The following SRD5A2 variants were observed in gnomAD, a reference collection of about 807,000 sequenced individuals.
SRD5A2 encodes the protein steroid 5 alpha-reductase 2, also known as 3-oxo-5-alpha-steroid 4-dehydrogenase 2.
In SRD5A2, 30 loss-of-function variants were observed where a neutral mutation model predicts 27.4. That is an observed-to-expected ratio of 1.10 (90% CI 0.82 to 1.49). The LOEUF (loss-of-function observed/expected upper bound fraction) is 1.49. SRD5A2 is among the 40% of genes most tolerant of loss of function. SRD5A2 has a pLI of 0.00. For synonymous variants in SRD5A2, 141 were observed against 133.6 expected (o/e 1.06, Z -0.38); for missense variants, 348 against 323.4 (o/e 1.08, Z -0.58).
intron 2 of SRD5A2, among the ~76,000 whole-genome samples, chr2:31,532,484 C>G (rs576129096): frequency 1.3e-4 from 20 of 152,138 alleles, no homozygotes; most frequent in African/African-American, 4.8e-4. Flanking sequence ...GGTGTCTCCA[C>G]ATGCACTATC....
the SRD5A2 span, among the ~76,000 whole-genome samples, chr2:31,639,593 G>T: frequency 6.6e-6 from 1 of 151,630 alleles, no homozygotes; most frequent in Non-Finnish European, 1.5e-5. Flanking sequence ...CTTCATATCT[G>T]AATTATAATT....
chr2:31,610,179 G>A, the SRD5A2 span, among the ~76,000 whole-genome samples: 4 of 152,160 alleles, frequency 2.6e-5, no homozygotes, highest in South Asian at 6.2e-4. Flanking sequence ...TATGTGGTCA[G>A]CATTATCCTG....
At chr2:31,605,964 G>T in the SRD5A2 span, among the ~76,000 whole-genome samples, 1 of 151,910 alleles carries the variant, frequency 6.6e-6, no homozygotes, top group Non-Finnish European at 1.5e-5. Context: ...GTACTATTCA[G>T]CCATTAAAAA....
At chr2:31,638,908 T>C in the SRD5A2 span, among the ~76,000 whole-genome samples, 1 of 152,098 alleles carries the variant, frequency 6.6e-6, no homozygotes, top group African/African-American at 2.4e-5. Flanking sequence ...AGGCCATTTA[T>C]ATTAAGTGTT....
the SRD5A2 span, among the ~76,000 whole-genome samples, chr2:31,639,465 G>A: frequency 6.6e-6 from 1 of 151,960 alleles, no homozygotes; most frequent in Non-Finnish European, 1.5e-5. Context: ...CCTTTCACAT[G>A]TTAGTGTTTT....
the SRD5A2 span, among the ~76,000 whole-genome samples, chr2:31,659,880 G>T: frequency 6.6e-6 from 1 of 152,022 alleles, no homozygotes; most frequent in South Asian, 2.1e-4. Context: ...ATAGTAGGGT[G>T]TTTAAAGTTT....
At chr2:31,530,584 C>G (rs1002856887) in intron 3 of SRD5A2, among the ~76,000 whole-genome samples, 4 of 152,196 alleles carry the variant, frequency 2.6e-5, no homozygotes, top group Admixed American at 2.0e-4. Flanking sequence ...TTCATAGTAA[C>G]TTTGTCATTA....
chr2:31,633,354 T>C, the SRD5A2 span, among the ~76,000 whole-genome samples: 7 of 152,128 alleles, frequency 4.6e-5, no homozygotes, highest in Non-Finnish European at 1.0e-4. Flanking sequence ...ATGGCCAAAT[T>C]ATTATTTACT....
the SRD5A2 span, among the ~76,000 whole-genome samples, chr2:31,615,931 G>C: frequency 6.6e-6 from 1 of 152,192 alleles, no homozygotes; most frequent in Non-Finnish European, 1.5e-5. Context: ...TCAAGATACA[G>C]CTCAGGCCAT....
chr2:31,640,245 T>C, the SRD5A2 span, among the ~76,000 whole-genome samples: 4 of 152,098 alleles, frequency 2.6e-5, no homozygotes, highest in African/African-American at 9.7e-5. Context: ...TTTGAATTGC[T>C]TTTCTGTGTT....
intron 1 of SRD5A2, among the ~76,000 whole-genome samples, chr2:31,571,269 G>A (rs1441631280): frequency 6.6e-6 from 1 of 152,000 alleles, no homozygotes; most frequent in African/African-American, 2.4e-5. Context: ...CAAGTAACAG[G>A]GAAAGGACTC....
At chr2:31,615,511 G>A in the SRD5A2 span, among the ~76,000 whole-genome samples, 2 of 152,170 alleles carry the variant, frequency 1.3e-5, no homozygotes, top group Admixed American at 6.5e-5. Context: ...ACTTGAGGGA[G>A]ATTATTTAGG....
At chr2:31,650,061 T>C in the SRD5A2 span, among the ~76,000 whole-genome samples, 3 of 152,128 alleles carry the variant, frequency 2.0e-5, no homozygotes, top group Non-Finnish European at 4.4e-5. Flanking sequence ...TTCAGGCTCA[T>C]GTGCTCCCCA....
At chr2:31,562,235 A>C (rs147185290) in intron 1 of SRD5A2, among the ~76,000 whole-genome samples, 1 of 152,076 alleles carries the variant, frequency 6.6e-6, no homozygotes, top group Non-Finnish European at 1.5e-5. Flanking sequence ...TCCTTTTTAA[A>C]AAATTTTTAT....
chr2:31,630,047 C>G, the SRD5A2 span, among the ~76,000 whole-genome samples: 12 of 152,288 alleles, frequency 7.9e-5, 1 homozygote, highest in African/African-American at 2.9e-4. Flanking sequence ...TTATGTGGGA[C>G]CCATTCCCCA....
intron 1 of SRD5A2, among the ~76,000 whole-genome samples, chr2:31,537,556 T>C (rs1184010745): frequency 6.6e-6 from 1 of 152,214 alleles, no homozygotes; most frequent in Non-Finnish European, 1.5e-5. Context: ...TCTGCTTCAC[T>C]GATCTGTTCT....
At chr2:31,588,509 G>T in the SRD5A2 span, among the ~76,000 whole-genome samples, 1 of 152,050 alleles carries the variant, frequency 6.6e-6, no homozygotes, top group Non-Finnish European at 1.5e-5. Flanking sequence ...TTTTACCTTA[G>T]AATAATATAT....
At chr2:31,653,886 T>C in the SRD5A2 span, among the ~76,000 whole-genome samples, 1 of 152,182 alleles carries the variant, frequency 6.6e-6, no homozygotes, top group Non-Finnish European at 1.5e-5. Flanking sequence ...CTCAAACTCC[T>C]GACCTCAGGT....
At chr2:31,564,650 G>C (rs1046113459) in intron 1 of SRD5A2, among the ~76,000 whole-genome samples, 2 of 151,878 alleles carry the variant, frequency 1.3e-5, no homozygotes, top group African/African-American at 4.8e-5. Flanking sequence ...AGTAGGCAAA[G>C]ATAAGAAGAT....
Sources: gnomAD v4.1 joint callset for allele counts (sites outside exome capture counted in the v4.1 genomes callset) on GRCh38, gnomAD v4.1.1 for gene constraint, MANE v1.5 for transcripts, NCBI Gene and HGNC (gene_info 2026-07-23, HGNC 2026-07-21) for gene names.